Variants in TSPAN12 observed in about 807,000 individuals in gnomAD.
TSPAN12 encodes the protein tetraspanin-12.
A neutral mutation model predicts 39.2 loss-of-function variants in TSPAN12; 19 were observed. The ratio of observed to expected loss-of-function variants is 0.49; its 90% confidence interval spans 0.34 to 0.71. The LOEUF is 0.71. TSPAN12 is among the 30% of genes least tolerant of loss of function. The probability of loss-of-function intolerance (pLI) is 0.01; values close to 1 mark genes in which losing one functional copy is unlikely to be tolerated. For synonymous variants in TSPAN12, 119 were observed against 124.8 expected, an observed-to-expected ratio of 0.95 and a Z score of 0.31; for missense variants, 314 against 359.9, an observed-to-expected ratio of 0.87 and a Z score of 1.03.
chr7:120,796,413 C>G (rs1793630868), intron 7 of TSPAN12, among the ~76,000 whole-genome samples: 2 of 152,158 alleles, frequency 1.3e-5, no homozygotes, highest in Non-Finnish European at 2.9e-5. Flanking sequence ...AATCATAGAT[C>G]AATAAATTTT....
chr7:120,843,650 G>A (rs796119426), intron 2 of TSPAN12, among the ~76,000 whole-genome samples: 18 of 152,192 alleles, frequency 1.2e-4, no homozygotes, highest in African/African-American at 4.3e-4. Flanking sequence ...TTCCCCTCTT[G>A]GCCCCCCATA....
intron 7 of TSPAN12, among the ~76,000 whole-genome samples, chr7:120,802,508 TG>T (rs1793793410): frequency 6.6e-6 from 1 of 152,164 alleles, no homozygotes; most frequent in Non-Finnish European, 1.5e-5. Flanking sequence ...TTTCTATTGC[TG>T]TTTTTTTTTC....
chr7:120,806,031 A>C (rs1350256520), intron 7 of TSPAN12, among the ~76,000 whole-genome samples: 1 of 152,132 alleles, frequency 6.6e-6, no homozygotes, highest in Non-Finnish European at 1.5e-5. Context: ...CTTTACCGCC[A>C]CTGAGCATAA....
intron 4 of TSPAN12, among the ~76,000 whole-genome samples, chr7:120,838,108 G>T (rs959504238): frequency 1.3e-5 from 2 of 152,196 alleles, no homozygotes; most frequent in Middle Eastern, 3.4e-3. Flanking sequence ...TCATTACCTG[G>T]TGCCACTAGT....
At chr7:120,819,827 A>G (rs1794154675) in intron 4 of TSPAN12, among the ~76,000 whole-genome samples, 1 of 152,114 alleles carries the variant, frequency 6.6e-6, no homozygotes, top group Non-Finnish European at 1.5e-5. Flanking sequence ...TCATTCTCAT[A>G]CTGATTATTG....
At chr7:120,848,623 C>T (rs926307129) in intron 2 of TSPAN12, among the ~76,000 whole-genome samples, 8 of 152,188 alleles carry the variant, frequency 5.3e-5, no homozygotes, top group Admixed American at 4.6e-4. Context: ...TTGCACTATA[C>T]TCTGTCCCAA....
chr7:120,795,196 C>A (rs988108299), intron 7 of TSPAN12, among the ~76,000 whole-genome samples: 1 of 152,100 alleles, frequency 6.6e-6, no homozygotes, highest in Non-Finnish European at 1.5e-5. Flanking sequence ...CAAAATAAAA[C>A]ACTGAATTAA....
Position 120,840,112 on chromosome 7 carries a change from G to A in TSPAN12, c.67-3C>T, listed in dbSNP as rs371164153. 54 of 1,611,706 alleles carry A rather than the reference G, an allele frequency of 3.4e-5. No individual in the cohort carries two copies. Among genetic ancestry groups the A allele is most frequent in the Non-Finnish European group, 4.4e-5 (52 of 1,178,080 alleles). On this transcript the variant is annotated splice_polypyrimidine_tract_variant and splice_region_variant and intron_variant, in intron 2 of 7. Coordinates refer to ENST00000222747, the MANE Select transcript of TSPAN12 (RefSeq NM_012338.4). ...GCCAACACACTGATGGACATTAACTGGGGAGAAAAAAGTACAAACCGGTTA... is the reference window on the plus strand; with the variant it reads ...GCCAACACACTGATGGACATTAACTAGGGAGAAAAAAGTACAAACCGGTTA...
intron 7 of TSPAN12, among the ~76,000 whole-genome samples, chr7:120,795,564 G>T (rs1793612187): frequency 6.6e-6 from 1 of 152,132 alleles, no homozygotes; most frequent in Non-Finnish European, 1.5e-5. Context: ...AAAAAGTCGG[G>T]CAGCCTTTTA....
chr7:120,802,376 C>G (rs1793791102), intron 7 of TSPAN12, among the ~76,000 whole-genome samples: 1 of 152,172 alleles, frequency 6.6e-6, no homozygotes, highest in African/African-American at 2.4e-5. Context: ...TCTCAGTTCA[C>G]ATATCACCTC....
chr7:120,803,509 T>C (rs1028586379), intron 7 of TSPAN12, among the ~76,000 whole-genome samples: 4 of 152,216 alleles, frequency 2.6e-5, no homozygotes, highest in Non-Finnish European at 4.4e-5. Context: ...ATTGTACTTA[T>C]GCCATAAAAC....
At chr7:120,845,153 G>A (rs1330881804) in intron 2 of TSPAN12, among the ~76,000 whole-genome samples, 1 of 152,164 alleles carries the variant, frequency 6.6e-6, no homozygotes, top group East Asian at 1.9e-4. Flanking sequence ...TGAAGCAGCT[G>A]GATCATAGGG....
chr7:120,804,943 T>A (rs1025300775), intron 7 of TSPAN12, among the ~76,000 whole-genome samples: 1 of 152,058 alleles, frequency 6.6e-6, no homozygotes, highest in Admixed American at 6.6e-5. Flanking sequence ...GGGAGAAGCA[T>A]GAAATAGATT....
intron 4 of TSPAN12, among the ~76,000 whole-genome samples, chr7:120,816,275 TG>T (rs1426999438): frequency 6.6e-6 from 1 of 152,002 alleles, no homozygotes. Context: ...TCTCAACTAC[TG>T]TTGACACTTT....
chr7:120,856,637 G>A (rs1433923244), intron 2 of TSPAN12, 61 bp downstream of exon 2: 7 of 1,533,582 alleles, frequency 4.6e-6, no homozygotes, highest in African/African-American at 1.4e-5. Context: ...CGCATTATCC[G>A]GTGGCTGCAG....
intron 7 of TSPAN12, among the ~76,000 whole-genome samples, chr7:120,801,133 T>C (rs1167594094): frequency 1.3e-5 from 2 of 152,116 alleles, no homozygotes; most frequent in Non-Finnish European, 2.9e-5. Context: ...TTTTTTTCTT[T>C]AGCAACATGA....
chr7:120,832,017 T>C (rs1794399220), intron 4 of TSPAN12, among the ~76,000 whole-genome samples: 1 of 152,080 alleles, frequency 6.6e-6, no homozygotes, highest in African/African-American at 2.4e-5. Flanking sequence ...ATAAAGTACA[T>C]GTATTGAGTA....
intron 2 of TSPAN12, among the ~76,000 whole-genome samples, chr7:120,850,643 C>T (rs1451270235): frequency 6.6e-6 from 1 of 152,014 alleles, no homozygotes; most frequent in African/African-American, 2.4e-5. Flanking sequence ...TCAGCTGAGC[C>T]ACAATGTATA....
At chr7:120,856,286 A>T (rs1053748220) in intron 2 of TSPAN12, among the ~76,000 whole-genome samples, 1 of 152,208 alleles carries the variant, frequency 6.6e-6, no homozygotes, top group East Asian at 1.9e-4. Flanking sequence ...CAAAAAATAT[A>T]TTAAGACTTG....
Sources: gnomAD v4.1 joint callset for allele counts (sites outside exome capture counted in the v4.1 genomes callset) on GRCh38, gnomAD v4.1.1 for gene constraint, MANE v1.5 for transcripts, NCBI Gene and HGNC (gene_info 2026-07-23, HGNC 2026-07-21) for gene names.